KCNH5: variants seen among roughly 807,000 people sequenced by gnomAD.
KCNH5 encodes the protein voltage-gated delayed rectifier potassium channel KCNH5.
KCNH5 carries 46 observed loss-of-function variants against 96.1 expected under a neutral mutation model. The observed-to-expected ratio is 0.48, with a 90% CI of 0.38 to 0.61. The LOEUF (loss-of-function observed/expected upper bound fraction) is 0.61, where lower values mean the gene tolerates loss of function less well. Among genes scored for constraint, KCNH5 ranks in the 20% least tolerant of loss-of-function variants. The pLI is 0.00. For missense variants in KCNH5, 907 were observed against 1,225.8 expected, an observed-to-expected ratio of 0.74 and a Z score of 3.88; for synonymous variants, 439 against 449.8, an observed-to-expected ratio of 0.98 and a Z score of 0.30.
At chr14:62,726,764 A>G (rs1303303728) in intron 10 of KCNH5, among the ~76,000 whole-genome samples, 1 of 152,194 alleles carries the variant, frequency 6.6e-6, no homozygotes, top group Admixed American at 6.5e-5. Context: ...CTCCTTCCAG[A>G]AAAGGTTGTA....
chr14:62,838,550 C>G (rs17100428), intron 8 of KCNH5, among the ~76,000 whole-genome samples: 1 of 151,732 alleles, frequency 6.6e-6, no homozygotes, highest in Non-Finnish European at 1.5e-5. Context: ...ATCTGGGGTG[C>G]GTAGTATGAA....
chr14:62,913,908 C>T (rs1595682231), intron 7 of KCNH5, among the ~76,000 whole-genome samples: 1 of 152,234 alleles, frequency 6.6e-6, no homozygotes, highest in East Asian at 1.9e-4. Context: ...TAGCCTCAAA[C>T]ATCCCAGCTA....
intron 8 of KCNH5, among the ~76,000 whole-genome samples, chr14:62,832,138 C>T (rs1180094402): frequency 1.3e-5 from 2 of 152,068 alleles, no homozygotes; most frequent in Admixed American, 1.3e-4. Context: ...TTTTAAATTA[C>T]AGTAAGAATG....
At chr14:63,033,979 G>T (rs556111086) in intron 1 of KCNH5, among the ~76,000 whole-genome samples, 1 of 152,176 alleles carries the variant, frequency 6.6e-6, no homozygotes, top group East Asian at 1.9e-4. Context: ...GAGTGCAGTG[G>T]CGCAATCTCA....
chr14:62,850,568 G>T (rs911358766), intron 7 of KCNH5, among the ~76,000 whole-genome samples: 17 of 151,964 alleles, frequency 1.1e-4, no homozygotes, highest in Admixed American at 7.2e-4. Flanking sequence ...ATCTACAGGG[G>T]ACTACAGGTG....
At chr14:62,974,095 T>C (rs1890458239) in intron 6 of KCNH5, among the ~76,000 whole-genome samples, 1 of 152,076 alleles carries the variant, frequency 6.6e-6, no homozygotes, top group African/African-American at 2.4e-5. Context: ...TTCCATAAAC[T>C]TTTCTGAAAA....
intron 8 of KCNH5, among the ~76,000 whole-genome samples, chr14:62,805,764 G>A (rs1192903433): frequency 2.0e-5 from 3 of 152,100 alleles, no homozygotes; most frequent in Non-Finnish European, 4.4e-5. Context: ...AAATACTTAG[G>A]TTAAAAGTGA....
intron 10 of KCNH5, among the ~76,000 whole-genome samples, chr14:62,708,977 G>A (rs1169216176): frequency 6.6e-6 from 1 of 151,946 alleles, no homozygotes; most frequent in African/African-American, 2.4e-5. Context: ...CGGGCGCGGC[G>A]GCTCACGCCT....
rs145681645 is a variant in KCNH5, at chr14:63,024,215, T to A, written c.74-7261A>T. 8.0e-3 allele frequency among the ~76,000 whole-genome samples: 1,140 copies of A among 142,590 alleles called. 40 individuals carry two copies. Among genetic ancestry groups the A allele is most frequent in the African/African-American group, 0.025 (966 of 38,846 alleles). The allele number at this position is 142,590 out of a possible 152,430, so 93.5% of individuals were successfully genotyped here. A position where few individuals can be genotyped will look rare whatever the true frequency, so the allele number is the denominator to read the frequency against. ...TAGAGTGAGACTCCATCTCAAAAAA[T>A]ATATATATATATATCTTGAGACAAA... On this transcript the variant is annotated intron_variant, in intron 1 of 10. Transcript: ENST00000322893.
intron 8 of KCNH5, among the ~76,000 whole-genome samples, chr14:62,829,381 G>C (rs1887294802): frequency 6.6e-6 from 1 of 152,248 alleles, no homozygotes; most frequent in South Asian, 2.1e-4. Context: ...TTCTCCCTAA[G>C]GGCTCCACCC....
chr14:62,712,402 G>C, intron 10 of KCNH5: 1 of 454,586 alleles, frequency 2.2e-6, no homozygotes, highest in Non-Finnish European at 3.9e-6. Flanking sequence ...AACATTTTAC[G>C]AGCTAGGACC....
Position 62,944,607 on chromosome 14 carries a change from G to A in KCNH5, c.1369+5526C>T, listed in dbSNP as rs111279694. ...GTTTGTTTTCCTTGGTGTTCTTGTA[G>A]GAAAAAAATGATACTATATTTACAA... On this transcript the variant is annotated intron_variant, in intron 7 of 10. Coordinates refer to ENST00000322893, the MANE Select transcript of KCNH5 (RefSeq NM_139318.5). 4.0e-3 allele frequency among the ~76,000 whole-genome samples: 613 copies of A among 152,060 alleles called. 5 individuals carry two copies. Among genetic ancestry groups the A allele is most frequent in the Middle Eastern group, 6.8e-3 (2 of 294 alleles).
At chr14:62,800,479 C>T (rs558638127) in intron 9 of KCNH5, among the ~76,000 whole-genome samples, 2 of 152,192 alleles carry the variant, frequency 1.3e-5, no homozygotes, top group South Asian at 4.1e-4. Flanking sequence ...CTCCAACCTT[C>T]TTTTAGAAAA....
chr14:62,910,943 C>CA (rs1315974053), intron 7 of KCNH5, among the ~76,000 whole-genome samples: 1 of 88,242 alleles, frequency 1.1e-5, no homozygotes, highest in African/African-American at 4.1e-5. Context: ...ACACACACAC[C>CA]CCTCTGTTGT....
chr14:63,009,050 A>G (rs1168231003), intron 2 of KCNH5, among the ~76,000 whole-genome samples: 1 of 152,134 alleles, frequency 6.6e-6, no homozygotes, highest in Non-Finnish European at 1.5e-5. Context: ...AAGAAAGAAA[A>G]ACCATTTCAC....
At chr14:62,827,925 T>C (rs989730314) in intron 8 of KCNH5, among the ~76,000 whole-genome samples, 2 of 152,196 alleles carry the variant, frequency 1.3e-5, no homozygotes, top group East Asian at 3.8e-4. Flanking sequence ...TATTACATGT[T>C]TGCACCCTTC....
chr14:62,781,588 T>A (rs1043546880), intron 9 of KCNH5, among the ~76,000 whole-genome samples: 15 of 152,178 alleles, frequency 9.9e-5, no homozygotes, highest in Non-Finnish European at 2.1e-4. Context: ...GTGCGCATTC[T>A]CTTTCTCAGG....
At chr14:62,921,230 G>A (rs992353446) in intron 7 of KCNH5, among the ~76,000 whole-genome samples, 8 of 151,994 alleles carry the variant, frequency 5.3e-5, no homozygotes, top group Non-Finnish European at 1.0e-4. Flanking sequence ...GGGAGGCTTC[G>A]TTTTTCACTC....
chr14:63,022,219 A>G (rs1182663195), intron 1 of KCNH5, among the ~76,000 whole-genome samples: 1 of 152,176 alleles, frequency 6.6e-6, no homozygotes, highest in East Asian at 1.9e-4. Flanking sequence ...GGAGCCATCA[A>G]TCAACATTTA....
Sources: gnomAD v4.1 joint callset for allele counts (sites outside exome capture counted in the v4.1 genomes callset) on GRCh38, gnomAD v4.1.1 for gene constraint, MANE v1.5 for transcripts, NCBI Gene and HGNC (gene_info 2026-07-23, HGNC 2026-07-21) for gene names.